Variants in MALRD1 observed in about 807,000 individuals in gnomAD.
MALRD1 encodes the protein MAM and LDL receptor class A domain containing 1, also known as MAM and LDL-receptor class A domain-containing protein 1.
MALRD1 carries 247 observed loss-of-function variants against 242.1 expected under a neutral mutation model. The observed-to-expected ratio is 1.02, with a 90% CI of 0.92 to 1.13. MALRD1 has a LOEUF of 1.13. MALRD1 is among the 50% of genes most tolerant of loss of function. The pLI is 0.00. For missense variants in MALRD1, 2,989 were observed against 2,533.1 expected (o/e 1.18, Z -3.86); for synonymous variants, 995 against 866.6 (o/e 1.15, Z -2.60).
At chr10:19,663,690 C>T (rs772687684) in intron 36 of MALRD1, among the ~76,000 whole-genome samples, 5 of 152,104 alleles carry the variant, frequency 3.3e-5, no homozygotes, top group African/African-American at 9.7e-5. Context: ...GCTCCCACAA[C>T]CCTCAGACAG....
At chr10:19,577,930 A>C (rs1373915281) in intron 33 of MALRD1, among the ~76,000 whole-genome samples, 1 of 152,040 alleles carries the variant, frequency 6.6e-6, no homozygotes, top group Admixed American at 6.6e-5. Context: ...TATGTCAGAG[A>C]GGTTCTGTGG....
intron 36 of MALRD1, among the ~76,000 whole-genome samples, chr10:19,663,728 C>G (rs1419583476): frequency 6.6e-6 from 1 of 152,102 alleles, no homozygotes; most frequent in Non-Finnish European, 1.5e-5. Flanking sequence ...AACCCTTCAT[C>G]TGGGAAACAG....
intron 2 of MALRD1, among the ~76,000 whole-genome samples, chr10:19,080,067 T>C (rs942993445): frequency 2.0e-5 from 3 of 151,840 alleles, no homozygotes; most frequent in African/African-American, 7.3e-5. Context: ...ACAAGGGAAA[T>C]GAAGGACCTC....
chr10:19,047,680 G>C (rs75736607), upstream of MALRD1, among the ~76,000 whole-genome samples: 8,381 of 152,150 alleles, frequency 0.055, 351 homozygotes, highest in East Asian at 0.15. Context: ...CAAAATGTTA[G>C]ATTATGTGGA....
intron 18 of MALRD1, among the ~76,000 whole-genome samples, chr10:19,248,601 G>A (rs1839166733): frequency 6.6e-6 from 1 of 151,818 alleles, no homozygotes; most frequent in Non-Finnish European, 1.5e-5. Context: ...AAAGCAAGAA[G>A]CCTAGTAAAA....
chr10:19,553,046 T>C (rs1367784239), intron 32 of MALRD1, among the ~76,000 whole-genome samples: 1 of 152,140 alleles, frequency 6.6e-6, no homozygotes, highest in Admixed American at 6.5e-5. Context: ...TGATAATTTC[T>C]AGATACTCTC....
At chr10:19,313,659 G>A (rs1486464160) in intron 21 of MALRD1, among the ~76,000 whole-genome samples, 4 of 151,328 alleles carry the variant, frequency 2.6e-5, no homozygotes, top group African/African-American at 7.3e-5. Context: ...GTTTTATAAA[G>A]GTCTAATACG....
chr10:19,644,657 A>T (rs1242696944), intron 36 of MALRD1, among the ~76,000 whole-genome samples: 1 of 152,222 alleles, frequency 6.6e-6, no homozygotes, highest in African/African-American at 2.4e-5. Flanking sequence ...ATAATATAAC[A>T]TATAATAATA....
chr10:19,140,179 A>G (rs1435076834), intron 10 of MALRD1, among the ~76,000 whole-genome samples: 1 of 152,176 alleles, frequency 6.6e-6, no homozygotes, highest in Non-Finnish European at 1.5e-5. Flanking sequence ...CTTATTTCAC[A>G]GAGAGCTGAT....
chr10:19,294,764 AG>A (rs1464034693), intron 21 of MALRD1, among the ~76,000 whole-genome samples: 2 of 152,280 alleles, frequency 1.3e-5, no homozygotes, highest in African/African-American at 4.8e-5. Context: ...AGAATTTCTT[AG>A]CTTTTTTATT....
chr10:19,714,033 T>C (rs1429228987), intron 38 of MALRD1, among the ~76,000 whole-genome samples: 2 of 152,182 alleles, frequency 1.3e-5, no homozygotes. Flanking sequence ...GTTGAGTTTT[T>C]ACAGCGTCTC....
intron 38 of MALRD1, among the ~76,000 whole-genome samples, chr10:19,718,864 G>A (rs1834548903): frequency 6.6e-6 from 1 of 151,686 alleles, no homozygotes; most frequent in Non-Finnish European, 1.5e-5. Flanking sequence ...GGCCGAGATG[G>A]GTTTTTAAAA....
chr10:19,573,935 G>A (rs1236364293), intron 33 of MALRD1, among the ~76,000 whole-genome samples: 1 of 152,090 alleles, frequency 6.6e-6, no homozygotes, highest in African/African-American at 2.4e-5. Flanking sequence ...TGTTGTTATT[G>A]AATTGAAAGA....
At chr10:19,279,206 C>T (rs117282648) in intron 19 of MALRD1, among the ~76,000 whole-genome samples, 316 of 152,176 alleles carry the variant, frequency 2.1e-3, no homozygotes, top group Non-Finnish European at 3.5e-3. Flanking sequence ...TGACTGGGCC[C>T]AAGGAACACA....
At chr10:19,118,469 A>AT (rs1427332691) in intron 5 of MALRD1, among the ~76,000 whole-genome samples, 1 of 152,118 alleles carries the variant, frequency 6.6e-6, no homozygotes, top group African/African-American at 2.4e-5. Context: ...GGATTCATAG[A>AT]TTTTCTGGTT....
At chr10:19,236,933 C>T (rs1358201663) in intron 18 of MALRD1, among the ~76,000 whole-genome samples, 1 of 151,908 alleles carries the variant, frequency 6.6e-6, no homozygotes, top group Non-Finnish European at 1.5e-5. Context: ...AAGAACAAAG[C>T]TCCTAAACTT....
chr10:19,654,764 G>T (rs1054174137), intron 36 of MALRD1, among the ~76,000 whole-genome samples: 1 of 152,090 alleles, frequency 6.6e-6, no homozygotes, highest in Non-Finnish European at 1.5e-5. Context: ...AAATATCCAG[G>T]CACAGAAGGG....
chr10:19,561,113 A>G (rs1481571148), intron 32 of MALRD1, among the ~76,000 whole-genome samples: 2 of 152,192 alleles, frequency 1.3e-5, no homozygotes, highest in East Asian at 1.9e-4. Flanking sequence ...ATTGTGTAGT[A>G]TAATATCAAA....
At chr10:19,177,278 C>CAA (rs34742551) in intron 14 of MALRD1, among the ~76,000 whole-genome samples, 24,631 of 113,734 alleles carry the variant, frequency 0.22, 2,442 homozygotes, top group Admixed American at 0.29. Flanking sequence ...AGATTCCTCT[C>CAA]AAAAAAAAAA....
Sources: gnomAD v4.1 joint callset for allele counts (sites outside exome capture counted in the v4.1 genomes callset) on GRCh38, gnomAD v4.1.1 for gene constraint, MANE v1.5 for transcripts, NCBI Gene and HGNC (gene_info 2026-07-23, HGNC 2026-07-21) for gene names.